UGCG: variants seen among roughly 807,000 people sequenced by gnomAD.
UGCG encodes the protein ceramide glucosyltransferase.
In UGCG, 10 loss-of-function variants were observed where a neutral mutation model predicts 49.5. The ratio of observed to expected loss-of-function variants is 0.20; its 90% confidence interval spans 0.12 to 0.34. UGCG has a LOEUF of 0.34. UGCG is among the 10% of genes least tolerant of loss of function. UGCG has a pLI of 1.00. For missense variants in UGCG, 312 were observed against 483.7 expected, an observed-to-expected ratio of 0.65 and a Z score of 3.33; for synonymous variants, 182 against 158.2, an observed-to-expected ratio of 1.15 and a Z score of -1.13.
At chr9:111,927,365 A>C (rs1838333948) in intron 5 of UGCG, among the ~76,000 whole-genome samples, 1 of 152,136 alleles carries the variant, frequency 6.6e-6, no homozygotes, top group Non-Finnish European at 1.5e-5. Context: ...ACTATAAATA[A>C]TGGAAAAGTA....
intron 2 of UGCG, among the ~76,000 whole-genome samples, chr9:111,921,288 C>A (rs1228403011): frequency 6.6e-6 from 1 of 151,956 alleles, no homozygotes; most frequent in Non-Finnish European, 1.5e-5. Context: ...GGAAAAAAAT[C>A]ACTACTTAGA....
rs1554737865 is a variant in UGCG at position 111,932,160 on chromosome 9, G to GT, written c.825-5dup. On this transcript the variant is annotated splice_polypyrimidine_tract_variant and intron_variant, in intron 7 of 8. Transcript: ENST00000374279. ...TATTGTTTTAAAGAAAATCCTTTTTGTTTTTCCAGGTGGACCAAACTACGA... is the reference window on the plus strand; with the variant it reads ...TATTGTTTTAAAGAAAATCCTTTTTGTTTTTTCCAGGTGGACCAAACTACGA... 1 of 1,604,318 alleles carries GT rather than the reference G, an allele frequency of 6.2e-7. No homozygotes were observed. The highest frequency in any genetic ancestry group is 8.5e-7 in the Non-Finnish European group (1 of 1,175,966).
At chr9:111,916,567 T>A (rs7049002) in intron 2 of UGCG, among the ~76,000 whole-genome samples, 5 of 151,836 alleles carry the variant, frequency 3.3e-5, no homozygotes, top group Non-Finnish European at 5.9e-5. Flanking sequence ...CCTCCCAGGC[T>A]CAACCAGTCC....
At chr9:111,928,431 A>G (rs181289794) in intron 5 of UGCG, among the ~76,000 whole-genome samples, 1,930 of 152,258 alleles carry the variant, frequency 0.013, 27 homozygotes, top group Non-Finnish European at 0.019. Flanking sequence ...CCCAGAATAC[A>G]CCCATTGCCT....
chr9:111,922,288 C>G (rs1254485791), intron 2 of UGCG, among the ~76,000 whole-genome samples: 2 of 152,100 alleles, frequency 1.3e-5, no homozygotes, highest in African/African-American at 2.4e-5. Flanking sequence ...TGTTTTGTTT[C>G]AAAAAGTTAT....
At chr9:111,912,262 G>A (rs1564200169) in intron 1 of UGCG, among the ~76,000 whole-genome samples, 1 of 151,800 alleles carries the variant, frequency 6.6e-6, no homozygotes, top group Admixed American at 6.6e-5. Context: ...AACTATCTAT[G>A]GCAAAGCAGT....
chr9:111,914,026 T>C (rs1336510186), intron 1 of UGCG, among the ~76,000 whole-genome samples: 1 of 152,192 alleles, frequency 6.6e-6, no homozygotes, highest in African/African-American at 2.4e-5. Context: ...CTGTGTATTA[T>C]CCCACTGCAA....
chr9:111,927,598 C>T (rs1298811050), intron 5 of UGCG, among the ~76,000 whole-genome samples: 9 of 152,166 alleles, frequency 5.9e-5, no homozygotes, highest in Admixed American at 5.9e-4. Flanking sequence ...ACTACAGGTG[C>T]CCGCCACCAT....
chr9:111,917,701 G>A (rs982830446), intron 2 of UGCG, among the ~76,000 whole-genome samples: 7 of 152,150 alleles, frequency 4.6e-5, no homozygotes, highest in Admixed American at 1.3e-4. Context: ...TTCAATTTTG[G>A]TGAGACTAGA....
chr9:111,929,140 T>G (rs958559822), intron 5 of UGCG: 1 of 195,336 alleles, frequency 5.1e-6, no homozygotes, highest in Non-Finnish European at 1.0e-5. Flanking sequence ...TACACACATA[T>G]ACGTAACATA....
intron 1 of UGCG, among the ~76,000 whole-genome samples, chr9:111,902,095 C>G (rs1166314392): frequency 6.6e-6 from 1 of 152,144 alleles, no homozygotes; most frequent in Non-Finnish European, 1.5e-5. Context: ...TACTTTCTTT[C>G]TTTTTTCTTT....
chr9:111,917,365 C>T (rs1359826174), intron 2 of UGCG, among the ~76,000 whole-genome samples: 2 of 152,178 alleles, frequency 1.3e-5, no homozygotes, highest in African/African-American at 4.8e-5. Flanking sequence ...TAAAGTTAAA[C>T]CACTGAAATC....
intron 1 of UGCG, among the ~76,000 whole-genome samples, chr9:111,912,511 G>A (rs10981153): frequency 1.4e-4 from 22 of 151,870 alleles, no homozygotes; most frequent in Admixed American, 4.6e-4. Flanking sequence ...CCCGGGAGGC[G>A]AAGGTTGCAG....
chr9:111,926,857 C>T (rs954796677), intron 5 of UGCG, among the ~76,000 whole-genome samples: 1 of 142,648 alleles, frequency 7.0e-6, no homozygotes, highest in Admixed American at 7.1e-5. Flanking sequence ...CCCCTCCCCC[C>T]AGCCTTTTTT....
intron 1 of UGCG, 105 bp from the exon 2 acceptor site, chr9:111,914,500 A>C: frequency 8.3e-7 from 1 of 1,199,958 alleles, no homozygotes; most frequent in Non-Finnish European, 1.1e-6. Context: ...GTCAAGTTTT[A>C]AAAATCTTAA....
chr9:111,926,981 T>C (rs1250748436), intron 5 of UGCG, among the ~76,000 whole-genome samples: 1 of 149,436 alleles, frequency 6.7e-6, no homozygotes, highest in East Asian at 2.0e-4. Flanking sequence ...CAAACGATTC[T>C]TCTGCCTCAG....
At chr9:111,924,911 T>C in intron 4 of UGCG, 33 bp downstream of exon 4, 1 of 1,275,602 alleles carries the variant, frequency 7.8e-7, no homozygotes, top group Non-Finnish European at 1.0e-6. Context: ...TTTATAAAAC[T>C]ATTAATTTGA....
rs776204433 is a variant in UGCG at position 111,914,790 on chromosome 9, T to TGTTCC, written c.240+45_240+49dup. 6 of 1,313,828 alleles carry TGTTCC rather than the reference T, an allele frequency of 4.6e-6. No individual in the cohort carries two copies. The Admixed American group carries it at 1.3e-4, about 29-fold the overall frequency. 81.4% of individuals were successfully genotyped at this position (1,313,828 alleles called of 1,614,324 possible). Reference sequence around the variant, plus strand: ...TTTTTTGTTTTGTTTTGTTTTGTTTTGTTCCCCTCATGATAAACATTTAGG... The same window carrying TGTTCC: ...TTTTTTGTTTTGTTTTGTTTTGTTTTGTTCCGTTCCCCTCATGATAAACATTTAGG... On this transcript the variant is annotated intron_variant, in intron 2 of 8. Coordinates refer to ENST00000374279, the MANE Select transcript of UGCG (RefSeq NM_003358.3).
intron 1 of UGCG, among the ~76,000 whole-genome samples, chr9:111,911,548 AT>A (rs1837994991): frequency 6.6e-6 from 1 of 152,062 alleles, no homozygotes; most frequent in Admixed American, 6.6e-5. Context: ...GTGGTGACAG[AT>A]TTCTTTTATC....
Sources: allele counts gnomAD v4.1 joint callset (sites outside exome capture counted in the v4.1 genomes callset), GRCh38; gene constraint gnomAD v4.1.1; transcripts MANE v1.5; gene names NCBI Gene and HGNC (gene_info 2026-07-23, HGNC 2026-07-21).